The following CD8B2 variants were observed in gnomAD, a reference collection of about 807,000 sequenced individuals.
CD8B2 encodes CD8B family member 2, also known as T-cell surface glycoprotein CD8 beta-2 chain.
Under a neutral mutation model 23.7 loss-of-function variants are expected in CD8B2, and 11 were observed. The ratio of observed to expected loss-of-function variants is 0.46; its 90% CI spans 0.29 to 0.77. CD8B2 has a LOEUF of 0.77. Ranked by LOEUF, CD8B2 falls within the 30% of genes least tolerant of loss-of-function variation. The pLI, the probability that CD8B2 is intolerant of heterozygous loss-of-function variation, is 0.09. For missense variants in CD8B2, 197 were observed against 270.5 expected (o/e 0.73, Z 1.91); for synonymous variants, 90 against 109.3 (o/e 0.82, Z 1.10).
chr2:106,490,496 C>A (rs1167005438), intron 1 of CD8B2, among the ~76,000 whole-genome samples: 1 of 152,132 alleles, frequency 6.6e-6, no homozygotes, highest in Non-Finnish European at 1.5e-5. Context: ...CTGTGAGTAG[C>A]CACTCCACTC....
chr2:106,496,139 T>C lies in CD8B2; in HGVS notation c.404-34T>C. 3 of 1,548,516 alleles carry C rather than the reference T, an allele frequency of 1.9e-6. No individual in the cohort carries two copies. The South Asian group carries it at 3.6e-5, about 18-fold the overall frequency. On this transcript the variant is annotated intron_variant, in intron 2 of 5. Coordinates refer to ENST00000643224, the MANE Select transcript of CD8B2 (RefSeq NM_001349727.2). Reference sequence around the variant, plus strand: ...TCTTTGAGTCCACGTGGTGTTCACTTGGCTAAGATATGTGTCTTGCTTTCT... The same window carrying C: ...TCTTTGAGTCCACGTGGTGTTCACTCGGCTAAGATATGTGTCTTGCTTTCT...
chr2:106,500,051 C>G (rs1679374328), intron 3 of CD8B2, among the ~76,000 whole-genome samples: 1 of 107,986 alleles, frequency 9.3e-6, no homozygotes, highest in Non-Finnish European at 1.8e-5. Flanking sequence ...TCCCTTCCCT[C>G]CTGTACCTCT....
At chr2:106,538,682 A>T (rs1255181269) in intron 5 of CD8B2, among the ~76,000 whole-genome samples, 1 of 152,148 alleles carries the variant, frequency 6.6e-6, no homozygotes, top group Non-Finnish European at 1.5e-5. Context: ...CTCTGGTAAT[A>T]GCTGGCTTCC....
rs1217849236 is a variant in CD8B2, at chr2:106,508,909, T to G, written c.*1969T>G. 1 of 122,710 alleles carries G rather than the reference T, an allele frequency of 8.1e-6. No individual in the cohort carries two copies. Among genetic ancestry groups the G allele is most frequent in the Non-Finnish European group, 1.7e-5 (1 of 57,252 alleles). 7.6% of individuals were successfully genotyped at this position (122,710 alleles called of 1,614,324 possible). A position where few individuals can be genotyped will look rare whatever the true frequency, so the allele number is the denominator to read the frequency against. On this transcript the variant is annotated 3_prime_UTR_variant, in exon 6 of 6. Coordinates refer to ENST00000643224, the MANE Select transcript of CD8B2 (RefSeq NM_001349727.2). ...GGGGAGATGGGGTTTTTCCTTTTGGTGTACGTTAATTGGCCTTAGATGCCC... is the reference window on the plus strand; with the variant it reads ...GGGGAGATGGGGTTTTTCCTTTTGGGGTACGTTAATTGGCCTTAGATGCCC...
intron 5 of CD8B2, among the ~76,000 whole-genome samples, chr2:106,540,586 A>T (rs1420903287): frequency 1.3e-5 from 2 of 150,476 alleles, no homozygotes; most frequent in Non-Finnish European, 3.0e-5. Context: ...TTTTTTTGAG[A>T]TGGAGTCTTG....
In CD8B2 at chr2:106,487,510, CG is replaced by C. The variant is rs1679099734; in HGVS notation, c.43+45del. On this transcript the variant is annotated intron_variant, in intron 1 of 5. Coordinates refer to ENST00000643224, the MANE Select transcript of CD8B2 (RefSeq NM_001349727.2). The stretch of plus-strand genomic sequence containing the variant: ...GCGGGCTGCCCAAGGTCTGCGCTCC[CG>C]GGGCCTGAGCGGGGAGGTGATACGT... 6.0e-6 allele frequency: 7 copies of C among 1,164,002 alleles called. No individual in the cohort carries two copies. The South Asian group carries it at 1.6e-4, about 27-fold the overall frequency. 72.1% of individuals were successfully genotyped at this position (1,164,002 alleles called of 1,614,324 possible).
chr2:106,527,005 G>T (rs1331981924), intron 5 of CD8B2, among the ~76,000 whole-genome samples: 1 of 152,188 alleles, frequency 6.6e-6, no homozygotes, highest in African/African-American at 2.4e-5. Flanking sequence ...GTCTACATTT[G>T]AGGTATTATA....
chr2:106,513,769 G>C (rs1398669607), downstream of CD8B2, among the ~76,000 whole-genome samples: 2 of 152,276 alleles, frequency 1.3e-5, no homozygotes, highest in East Asian at 3.9e-4. Context: ...GGGGAGGGGA[G>C]AGCAACAGTA....
In CD8B2 at chr2:106,507,268, T is replaced by A; in HGVS notation, c.*328T>A. 1 of 1,131,358 alleles carries A rather than the reference T, an allele frequency of 8.8e-7. No individual in the cohort carries two copies. The highest frequency in any genetic ancestry group is 1.1e-6 in the Non-Finnish European group (1 of 922,478). The allele number at this position is 1,131,358 out of a possible 1,614,324, so 70.1% of individuals were successfully genotyped here. Reference sequence around the variant, plus strand: ...AGCTGGGACCTTTAGTGGTGGCCGTTTAGCCACCATCTTTGCAAGTTGCTT... The same window carrying A: ...AGCTGGGACCTTTAGTGGTGGCCGTATAGCCACCATCTTTGCAAGTTGCTT... On this transcript the variant is annotated 3_prime_UTR_variant, in exon 6 of 6. Transcript: ENST00000643224.
Position 106,507,208 on chromosome 2 carries a change from C to T in CD8B2, c.*268C>T. 3 of 1,266,836 alleles carry T rather than the reference C, an allele frequency of 2.4e-6. No individual in the cohort carries two copies. Among genetic ancestry groups the T allele is most frequent in the Non-Finnish European group, 3.0e-6 (3 of 1,001,920 alleles). The allele number at this position is 1,266,836 out of a possible 1,614,324, so 78.5% of individuals were successfully genotyped here. The stretch of plus-strand genomic sequence containing the variant: ...TGGAGGACTGAGTAAGAAATGCTGC[C>T]CATGCCACCGCTTCCGGCTCCTGTG... On this transcript the variant is annotated 3_prime_UTR_variant, in exon 6 of 6. Transcript: ENST00000643224.
rs185614658 is a variant in CD8B2 at position 106,526,422 on chromosome 2, T to C, written c.621-17570T>C. Among the ~76,000 whole-genome samples, 578 of 152,270 alleles carry C rather than the reference T, an allele frequency of 3.8e-3. 4 individuals carry two copies. The highest frequency in any genetic ancestry group is 0.013 in the African/African-American group (545 of 41,554). On this transcript the variant is annotated intron_variant, in intron 5 of 5. Coordinates refer to the CD8B2 transcript ENST00000416057. ...GTTAGCATTCACGGCCATTTACCCCTGACATGCCTGCCACCCCCTCTTCTG... is the reference window on the plus strand; with the variant it reads ...GTTAGCATTCACGGCCATTTACCCCCGACATGCCTGCCACCCCCTCTTCTG...
rs1156319456 is a variant in CD8B2, at chr2:106,510,871, T to C, written c.*3931T>C. The C allele has an allele frequency of 6.6e-6, 1 of 152,170 alleles. No homozygotes were observed. Among genetic ancestry groups the C allele is most frequent in the Non-Finnish European group, 1.5e-5 (1 of 68,024 alleles). 9.4% of individuals were successfully genotyped at this position (152,170 alleles called of 1,614,324 possible). On this transcript the variant is annotated 3_prime_UTR_variant, in exon 6 of 6. Transcript: ENST00000643224. ...AAATCTTCTAATATTGTTCTGCAGA[T>C]TTGATCTTTTTTCTCTAATAATAAA...
intron 5 of CD8B2, chr2:106,535,516 A>T (rs980986437): frequency 3.9e-5 from 6 of 152,104 alleles, no homozygotes; most frequent in Admixed American, 3.3e-4. Flanking sequence ...ATACTTTTTA[A>T]TCAGAACAGT....
intron 5 of CD8B2, among the ~76,000 whole-genome samples, chr2:106,533,125 GGGGT>G (rs1020297872): frequency 6.6e-6 from 1 of 152,168 alleles, no homozygotes; most frequent in African/African-American, 2.4e-5. Context: ...GCCCATGCTG[GGGGT>G]CGAGGCAACA....
intron 3 of CD8B2, among the ~76,000 whole-genome samples, chr2:106,500,648 T>C (rs1679389058): frequency 1.3e-5 from 2 of 151,942 alleles, no homozygotes; most frequent in Admixed American, 1.3e-4. Context: ...CAGTAAAAAT[T>C]CTCTCTCTTC....
At chr2:106,515,829 CTT>C (rs5833191), downstream of CD8B2, among the ~76,000 whole-genome samples, 2 of 149,328 alleles carry the variant, frequency 1.3e-5, no homozygotes, top group Non-Finnish European at 1.5e-5. Flanking sequence ...TTAGACTCCT[CTT>C]TTTTTTTTTG....
At chr2:106,521,023 G>GGAGAGAGAGAGAGAGAGAGAGAGAGGGA (rs1679817902) in intron 5 of CD8B2, among the ~76,000 whole-genome samples, 7 of 130,418 alleles carry the variant, frequency 5.4e-5, no homozygotes, top group Non-Finnish European at 1.1e-4. Flanking sequence ...ATGTTTTAAG[G>GGAGAGAGAGAGAGAGAGAGAGAGAGGGA]GAGAGAGAGA....
intron 3 of CD8B2, among the ~76,000 whole-genome samples, chr2:106,498,643 G>C (rs1679344270): frequency 6.6e-6 from 1 of 152,134 alleles, no homozygotes; most frequent in Non-Finnish European, 1.5e-5. Context: ...CTAGTGGCAA[G>C]TCAGTCAGGC....
intron 5 of CD8B2, among the ~76,000 whole-genome samples, chr2:106,537,335 C>G (rs982148674): frequency 3.3e-5 from 5 of 152,118 alleles, no homozygotes; most frequent in Non-Finnish European, 5.9e-5. Context: ...TTGCACTTCC[C>G]TAGTAGTCCT....
Sources: allele counts gnomAD v4.1 joint callset (sites outside exome capture counted in the v4.1 genomes callset), GRCh38; gene constraint gnomAD v4.1.1; transcripts MANE v1.5; gene names NCBI Gene and HGNC (gene_info 2026-07-23, HGNC 2026-07-21).